Variants in EFTUD2 observed in about 807,000 individuals in gnomAD.
The protein encoded by EFTUD2 is elongation factor Tu GTP binding domain containing 2.
Under a neutral mutation model 114.3 loss-of-function variants are expected in EFTUD2, and 9 were observed. The ratio of observed to expected loss-of-function variants is 0.08; its 90% CI spans 0.05 to 0.14. The LOEUF (loss-of-function observed/expected upper bound fraction) is 0.14, where lower values mean the gene tolerates loss of function less well. Among genes scored for constraint, EFTUD2 ranks in the 10% least tolerant of loss-of-function variants. EFTUD2 has a pLI of 1.00. For missense variants in EFTUD2, 765 were observed against 1,241.2 expected (o/e 0.62, Z 5.76); for synonymous variants, 449 against 462.3 (o/e 0.97, Z 0.37).
At chr17:44,855,582 C>CA (rs908803550) in intron 20 of EFTUD2, among the ~76,000 whole-genome samples, 21 of 149,158 alleles carry the variant, frequency 1.4e-4, no homozygotes, top group East Asian at 8.0e-4. Context: ...CAAAACAGAA[C>CA]AAAAAAAAAC....
chr17:44,862,505 C>T (rs912668791), intron 16 of EFTUD2, among the ~76,000 whole-genome samples: 6 of 152,196 alleles, frequency 3.9e-5, no homozygotes, highest in East Asian at 1.9e-4. Flanking sequence ...AAGCTTCTGG[C>T]ACTGTTCCAA....
At chr17:44,890,160 C>T (rs905626627) in intron 2 of EFTUD2, among the ~76,000 whole-genome samples, 18 of 148,752 alleles carry the variant, frequency 1.2e-4, no homozygotes, top group Admixed American at 5.3e-4. Flanking sequence ...CATGCCACCA[C>T]GCCCAGCTAA....
intron 15 of EFTUD2, chr17:44,863,252 T>C (rs2050689537): frequency 3.8e-6 from 1 of 259,996 alleles, no homozygotes; most frequent in Non-Finnish European, 7.3e-6. Flanking sequence ...GTATTTATGA[T>C]AAGAAACTAG....
In EFTUD2 at chr17:44,862,695, G is replaced by A; in HGVS notation, c.1607+18C>T. On this transcript the variant is annotated intron_variant, in intron 16 of 27. Coordinates refer to ENST00000426333, the MANE Select transcript of EFTUD2 (RefSeq NM_004247.4). ...GATAGACACCAAGGCATACTCCTGG[G>A]GCTCTGGTTGGCAGTACCTGGCCAC... The A allele has an allele frequency of 3.7e-6, 6 of 1,607,574 alleles. No homozygotes were observed. The highest frequency in any genetic ancestry group is 5.1e-6 in the Non-Finnish European group (6 of 1,176,140).
intron 13 of EFTUD2, among the ~76,000 whole-genome samples, chr17:44,867,044 C>T (rs750091607): frequency 2.6e-5 from 4 of 152,178 alleles, no homozygotes; most frequent in Non-Finnish European, 5.9e-5. Context: ...GAGTTTGAAG[C>T]TGCAGTGAGC....
rs192877562 is a variant in EFTUD2 at position 44,897,425 on chromosome 17, T to C, written c.-5+1944A>G. On this transcript the variant is annotated intron_variant, in intron 1 of 27. Transcript: ENST00000426333. ...AAATAACTTTCTTTTCCCCAAATAT[T>C]TGACAGTATGCTGCTGACACAATGC... 1.1e-4 allele frequency among the ~76,000 whole-genome samples: 17 copies of C among 152,240 alleles called. No individual in the cohort carries two copies. The East Asian group carries it at 2.9e-3, about 26-fold the overall frequency.
intron 1 of EFTUD2, among the ~76,000 whole-genome samples, chr17:44,896,722 AT>A (rs1248592304): frequency 1.3e-5 from 2 of 152,242 alleles, no homozygotes; most frequent in Admixed American, 1.3e-4. Flanking sequence ...TAAGCAATAA[AT>A]AACAGACTAG....
intron 18 of EFTUD2, 192 bp downstream of exon 18, chr17:44,859,713 A>AAC (rs942012755): frequency 1.3e-5 from 11 of 836,622 alleles, no homozygotes; most frequent in Non-Finnish European, 1.8e-5. Flanking sequence ...GTCTTGTTTT[A>AAC]ACACACACAC....
rs1459291726 is a variant in EFTUD2, at chr17:44,850,217, C to T, written c.*1057G>A. The T allele has an allele frequency of 9.8e-6, 7 of 712,902 alleles. No homozygotes were observed. The highest frequency in any genetic ancestry group is 1.8e-5 in the South Asian group (1 of 54,252). 44.2% of individuals were successfully genotyped at this position (712,902 alleles called of 1,614,324 possible). The stretch of plus-strand genomic sequence containing the variant: ...TTGGGACCTGGGGCAGAAAGATGAG[C>T]GGGAAGCTGGACTCTCAAGGGAGCA... On this transcript the variant is annotated 3_prime_UTR_variant, in exon 28 of 28. Transcript: ENST00000426333.
Position 44,892,967 on chromosome 17 carries a change from A to G in EFTUD2, c.105+1450T>C, listed in dbSNP as rs549628547. Among the ~76,000 whole-genome samples, 225 of 152,324 alleles carry G rather than the reference A, an allele frequency of 1.5e-3. 2 individuals carry two copies. Among genetic ancestry groups the G allele is most frequent in the Middle Eastern group, 3.4e-3 (1 of 294 alleles). On this transcript the variant is annotated intron_variant, in intron 2 of 27. Transcript: ENST00000426333. ...CAAAAAGAAAAAAAAATGCTGGTTT[A>G]TAAGACATCAATAAAAAACTTCAAA...
chr17:44,862,981 G>T, intron 15 of EFTUD2, 75 bp from the exon 16 acceptor site: 1 of 1,267,966 alleles, frequency 7.9e-7, no homozygotes, highest in South Asian at 1.4e-5. Flanking sequence ...CATCTTCCTT[G>T]ACAGCAAGGA....
intron 16 of EFTUD2, among the ~76,000 whole-genome samples, chr17:44,861,744 G>C (rs1049565238): frequency 2.0e-5 from 3 of 151,616 alleles, no homozygotes; most frequent in Non-Finnish European, 2.9e-5. Flanking sequence ...AAAAAAAAAA[G>C]CATCACAGAA....
Position 44,859,838 on chromosome 17 carries a change from G to A in EFTUD2, c.1860+67C>T. The stretch of plus-strand genomic sequence containing the variant: ...ATGAACACCTGATGGATGGGAAGCG[G>A]TGTGCAGCTCTGCCCATTCAGCTGG... On this transcript the variant is annotated intron_variant, in intron 18 of 27. Coordinates refer to ENST00000426333, the MANE Select transcript of EFTUD2 (RefSeq NM_004247.4). 27 of 1,606,056 alleles carry A rather than the reference G, an allele frequency of 1.7e-5. 1 individual carries two copies. In the South Asian group the frequency reaches 2.3e-4, roughly 14 times the overall value.
At chr17:44,896,379 G>T (rs1476098227) in intron 1 of EFTUD2, among the ~76,000 whole-genome samples, 1 of 152,216 alleles carries the variant, frequency 6.6e-6, no homozygotes, top group East Asian at 1.9e-4. Context: ...TGGGCACAGT[G>T]GCTCATGCCT....
At chr17:44,867,079 C>T (rs2050759264) in intron 13 of EFTUD2, among the ~76,000 whole-genome samples, 1 of 152,148 alleles carries the variant, frequency 6.6e-6, no homozygotes, top group Admixed American at 6.5e-5. Context: ...TGCACTCCCA[C>T]CTGGGCGACA....
intron 16 of EFTUD2, among the ~76,000 whole-genome samples, chr17:44,861,620 C>T (rs1280032977): frequency 6.6e-6 from 1 of 151,796 alleles, no homozygotes; most frequent in Non-Finnish European, 1.5e-5. Context: ...GTAGTCCCAG[C>T]TACTTGGGAG....
At chr17:44,894,220 A>G in intron 2 of EFTUD2, 197 bp downstream of exon 2, 1 of 518,304 alleles carries the variant, frequency 1.9e-6, no homozygotes, top group Non-Finnish European at 3.5e-6. Flanking sequence ...ATAAAAAAAA[A>G]TTAGCTGGGC....
chr17:44,855,988 TG>T (rs1412055734), intron 20 of EFTUD2, among the ~76,000 whole-genome samples: 1 of 146,930 alleles, frequency 6.8e-6, no homozygotes, highest in Non-Finnish European at 1.5e-5. Context: ...CAAACCCAGG[TG>T]TGGTTAGCAC....
chr17:44,871,804 G>C (rs2050860524), intron 11 of EFTUD2, among the ~76,000 whole-genome samples: 1 of 152,164 alleles, frequency 6.6e-6, no homozygotes, highest in Non-Finnish European at 1.5e-5. Context: ...TCTAAGAACG[G>C]GGTAACAGTG....
Sources: allele counts gnomAD v4.1 joint callset (sites outside exome capture counted in the v4.1 genomes callset), GRCh38; gene constraint gnomAD v4.1.1; transcripts MANE v1.5; gene names NCBI Gene and HGNC (gene_info 2026-07-23, HGNC 2026-07-21).